The following KCNAB1 variants were observed in gnomAD, a reference collection of about 807,000 sequenced individuals.
KCNAB1 encodes potassium voltage-gated channel subfamily A regulatory beta subunit 1.
Under a neutral mutation model 64.6 loss-of-function variants are expected in KCNAB1, and 35 were observed. That is an observed-to-expected ratio of 0.54 (90% CI 0.41 to 0.72). The LOEUF is 0.72. Ranked by LOEUF, KCNAB1 falls within the 30% of genes least tolerant of loss-of-function variation. The pLI, the probability that KCNAB1 is intolerant of heterozygous loss-of-function variation, is 0.00. For synonymous variants in KCNAB1, 177 were observed against 183.8 expected (o/e 0.96, Z 0.30); for missense variants, 401 against 512.9 (o/e 0.78, Z 2.11).
At chr3:156,404,139 C>A (rs190700541) in intron 1 of KCNAB1, among the ~76,000 whole-genome samples, 147 of 152,268 alleles carry the variant, frequency 9.7e-4, no homozygotes, top group East Asian at 7.3e-3. Flanking sequence ...AGTTTAAAGA[C>A]AAGTTTAAAG....
At chr3:156,413,505 C>T (rs913770386) in intron 1 of KCNAB1, among the ~76,000 whole-genome samples, 7 of 152,124 alleles carry the variant, frequency 4.6e-5, no homozygotes, top group African/African-American at 1.7e-4. Flanking sequence ...TCACAACAAC[C>T]CTATGAAGTA....
chr3:156,286,489 T>G (rs1211543323), intron 1 of KCNAB1, among the ~76,000 whole-genome samples: 1 of 152,354 alleles, frequency 6.6e-6, no homozygotes, highest in South Asian at 2.1e-4. Context: ...TCCAATGGAA[T>G]ATAAACCGTA....
chr3:156,284,501 T>C (rs1168418550), intron 1 of KCNAB1, among the ~76,000 whole-genome samples: 8 of 152,308 alleles, frequency 5.3e-5, no homozygotes, highest in Admixed American at 1.3e-4. Flanking sequence ...CCACCCAGTT[T>C]GAGCTTCCAG....
chr3:156,262,808 T>C (rs1718501709), intron 1 of KCNAB1, among the ~76,000 whole-genome samples: 2 of 151,926 alleles, frequency 1.3e-5, no homozygotes, highest in South Asian at 4.1e-4. Flanking sequence ...CTTTTCTTTG[T>C]GGAAATATTT....
chr3:156,310,667 G>A (rs796496954), intron 1 of KCNAB1, among the ~76,000 whole-genome samples: 84 of 152,248 alleles, frequency 5.5e-4, no homozygotes, highest in African/African-American at 1.9e-3. Context: ...AGCCGGGCGG[G>A]GTGGCGGGTG....
At chr3:156,536,618 C>A in intron 13 of KCNAB1, 40 bp from the exon 14 acceptor site, 1 of 1,371,492 alleles carries the variant, frequency 7.3e-7, no homozygotes. Context: ...ATGATCAACA[C>A]TGCTAACAAT....
rs540981899 is a variant in KCNAB1 at position 156,251,641 on chromosome 3, G to A, written c.275+130755G>A. ...GGGGTATCCTTTTTCTTGAATGGGC[G>A]GGCTCAAGGGATGATGTAGAAAGGA... is the stretch of plus-strand genomic sequence containing the variant. On this transcript the variant is annotated intron_variant, in intron 1 of 13. Coordinates refer to ENST00000490337, the MANE Select transcript of KCNAB1 (RefSeq NM_172160.3). 5.3e-5 allele frequency among the ~76,000 whole-genome samples: 8 copies of A among 152,128 alleles called. No homozygotes were observed. In the East Asian group the frequency reaches 1.4e-3, roughly 26 times the overall value.
chr3:156,527,266 C>T (rs1471602952), intron 12 of KCNAB1, among the ~76,000 whole-genome samples: 4 of 152,136 alleles, frequency 2.6e-5, no homozygotes, highest in Non-Finnish European at 4.4e-5. Flanking sequence ...ACAATTTTCT[C>T]ATCTGTAAAA....
intron 8 of KCNAB1, among the ~76,000 whole-genome samples, chr3:156,504,432 T>C: frequency 6.6e-6 from 1 of 152,186 alleles, no homozygotes; most frequent in Non-Finnish European, 1.5e-5. Context: ...TAATCAGTAG[T>C]GAAACTGATG....
intron 1 of KCNAB1, among the ~76,000 whole-genome samples, chr3:156,314,295 G>A (rs532935626): frequency 1.3e-5 from 2 of 152,298 alleles, no homozygotes; most frequent in East Asian, 3.9e-4. Context: ...AGGGGTTGGG[G>A]TCCAGTGTTA....
intron 11 of KCNAB1, among the ~76,000 whole-genome samples, chr3:156,521,572 G>T (rs968970039): frequency 1.3e-5 from 2 of 152,138 alleles, no homozygotes; most frequent in African/African-American, 4.8e-5. Context: ...GTGCAGTGGG[G>T]TGATAGAATA....
In KCNAB1 at chr3:156,354,498, G is replaced by C. The variant is rs532864394; in HGVS notation, c.276-67118G>C. Among the ~76,000 whole-genome samples the C allele has an allele frequency of 2.0e-5, 3 of 151,924 alleles. No homozygotes were observed. The South Asian group carries it at 6.2e-4, about 32-fold the overall frequency. On this transcript the variant is annotated intron_variant, in intron 1 of 13. Coordinates refer to ENST00000490337, the MANE Select transcript of KCNAB1 (RefSeq NM_172160.3). ...AAAGACATTTAAGCCTCAAATCACCGGGCCCGAACACAGCAAATTAAAAAC... is the reference window on the plus strand; with the variant it reads ...AAAGACATTTAAGCCTCAAATCACCCGGCCCGAACACAGCAAATTAAAAAC...
At chr3:156,199,425 C>G (rs1375714963) in intron 1 of KCNAB1, among the ~76,000 whole-genome samples, 2 of 152,140 alleles carry the variant, frequency 1.3e-5, no homozygotes, top group Non-Finnish European at 2.9e-5. Context: ...CAACTTGGTT[C>G]CATTCTCCTT....
At chr3:156,260,124 C>G (rs1718343334) in intron 1 of KCNAB1, among the ~76,000 whole-genome samples, 1 of 152,148 alleles carries the variant, frequency 6.6e-6, no homozygotes, top group Non-Finnish European at 1.5e-5. Context: ...GACCTCTGAC[C>G]TCTTTCTACA....
At chr3:156,389,596 C>T (rs1157727167) in intron 1 of KCNAB1, among the ~76,000 whole-genome samples, 1 of 152,192 alleles carries the variant, frequency 6.6e-6, no homozygotes, top group Non-Finnish European at 1.5e-5. Context: ...AATTGTCAGA[C>T]CTCCGCCCGG....
intron 1 of KCNAB1, among the ~76,000 whole-genome samples, chr3:156,269,083 C>T (rs573406257): frequency 6.6e-6 from 1 of 152,220 alleles, no homozygotes; most frequent in East Asian, 1.9e-4. Context: ...ATATGGATAT[C>T]CAATTTTCCC....
At chr3:156,396,528 A>C (rs1489945753) in intron 1 of KCNAB1, among the ~76,000 whole-genome samples, 3 of 152,140 alleles carry the variant, frequency 2.0e-5, no homozygotes, top group Non-Finnish European at 2.9e-5. Context: ...CAACCAGATA[A>C]ATCATTCAAT....
At chr3:156,440,938 C>T (rs999969143) in intron 2 of KCNAB1, among the ~76,000 whole-genome samples, 6 of 152,114 alleles carry the variant, frequency 3.9e-5, no homozygotes, top group African/African-American at 1.2e-4. Context: ...TATATTCTCT[C>T]AGTTTTAATT....
intron 1 of KCNAB1, among the ~76,000 whole-genome samples, chr3:156,135,862 A>G (rs1490332611): frequency 4.6e-5 from 7 of 152,220 alleles, no homozygotes. Flanking sequence ...GTTCTTTGCA[A>G]CTTTCAAAAC....
Sources: allele counts gnomAD v4.1 joint callset (sites outside exome capture counted in the v4.1 genomes callset), GRCh38; gene constraint gnomAD v4.1.1; transcripts MANE v1.5; gene names NCBI Gene and HGNC (gene_info 2026-07-23, HGNC 2026-07-21).